ZNF398: variants seen among roughly 807,000 people sequenced by gnomAD.
ZNF398 encodes the protein zinc finger protein 398, also known as zinc finger DNA binding protein ZER6.
ZNF398 carries 18 observed loss-of-function variants against 41.9 expected under a neutral mutation model. The ratio of observed to expected loss-of-function variants is 0.43; its 90% confidence interval spans 0.30 to 0.64. The LOEUF is 0.64. Among genes scored for constraint, ZNF398 ranks in the 30% least tolerant of loss-of-function variants. The pLI is 0.14. For missense variants in ZNF398, 669 were observed against 822.8 expected (o/e 0.81, Z 2.29); for synonymous variants, 260 against 308.8 (o/e 0.84, Z 1.66).
intron 5 of ZNF398, among the ~76,000 whole-genome samples, 172 bp from the exon 6 acceptor site, chr7:149,178,476 C>A (rs535844937): frequency 6.6e-6 from 1 of 152,222 alleles, no homozygotes; most frequent in East Asian, 1.9e-4. Flanking sequence ...AGTGTCATTT[C>A]ATTTCTCTGA....
At chr7:149,155,409 G>C (rs962291403) in intron 2 of ZNF398, among the ~76,000 whole-genome samples, 1 of 152,066 alleles carries the variant, frequency 6.6e-6, no homozygotes, top group Admixed American at 6.6e-5. Context: ...AACAGAGTGA[G>C]ACTCCGTCTC....
intron 2 of ZNF398, among the ~76,000 whole-genome samples, chr7:149,134,677 TG>T (rs1223998360): frequency 6.6e-6 from 1 of 152,180 alleles, no homozygotes; most frequent in Non-Finnish European, 1.5e-5. Context: ...ATTTATTATT[TG>T]TTTAGAGATG....
intron 1 of ZNF398, among the ~76,000 whole-genome samples, chr7:149,152,977 C>T (rs1199563283): frequency 6.6e-6 from 1 of 151,596 alleles, no homozygotes; most frequent in Non-Finnish European, 1.5e-5. Flanking sequence ...TCTCCTGTCT[C>T]AGCCTCCCGA....
At chr7:149,144,840 C>T (rs1826900631), upstream of ZNF398, among the ~76,000 whole-genome samples, 2 of 152,102 alleles carry the variant, frequency 1.3e-5, no homozygotes, top group Non-Finnish European at 1.5e-5. Context: ...CCACCCACCT[C>T]GGCCTCCCAA....
chr7:149,166,889 C>T lies in ZNF398; in HGVS notation c.620C>T (p.Ala207Val). ...GGGGAACATAATACAGAGGACCAGG[C>T]AGGGCCAGAGGAAAGTGAGATTCCC... The part of the protein sequence containing the change: ...PEGEHNTEDQ[A>V]GPEESEIPTD... Residue 207 changes from alanine (A) to valine (V), a missense_variant, in exon 4 of 6, where the codon GCA (alanine) becomes GTA (valine). Transcript: ENST00000475153. 6.2e-7 allele frequency: 1 copy of T among 1,612,994 alleles called. No homozygotes were observed. The highest frequency in any genetic ancestry group is 8.5e-7 in the Non-Finnish European group (1 of 1,179,244).
intron 4 of ZNF398, 27 bp downstream of exon 4, chr7:149,166,957 C>T: frequency 1.3e-6 from 2 of 1,507,184 alleles, no homozygotes; most frequent in Non-Finnish European, 1.8e-6. Context: ...ATTCCTACTT[C>T]TTGTCTCCCT....
intron 2 of ZNF398, among the ~76,000 whole-genome samples, chr7:149,160,548 G>A (rs935326124): frequency 6.6e-6 from 1 of 152,200 alleles, no homozygotes; most frequent in African/African-American, 2.4e-5. Context: ...ACTAGCCAAA[G>A]TCACATCTCT....
chr7:149,136,628 C>G (rs1826719335), intron 2 of ZNF398, among the ~76,000 whole-genome samples: 1 of 152,122 alleles, frequency 6.6e-6, no homozygotes, highest in African/African-American at 2.4e-5. Context: ...AGTGCAGTGG[C>G]ATGATCTAGG....
exon 2 of ZNF398, chr7:149,128,824 C>T (rs984147889): frequency 3.3e-5 from 4 of 121,694 alleles, no homozygotes; most frequent in South Asian, 3.1e-4. Flanking sequence ...TTTTTCCAGA[C>T]GTAGTCTTGC....
intron 2 of ZNF398, among the ~76,000 whole-genome samples, chr7:149,135,996 A>G (rs903086120): frequency 1.3e-5 from 2 of 152,136 alleles, no homozygotes; most frequent in Non-Finnish European, 2.9e-5. Flanking sequence ...TTTAATTTTG[A>G]TTAAGTCCAA....
rs1795611130 is a variant in ZNF398 at position 149,182,346 on chromosome 7, T to C, written c.*2545T>C. 1 of 152,218 alleles carries C rather than the reference T, an allele frequency of 6.6e-6. No homozygotes were observed. The highest frequency in any genetic ancestry group is 2.1e-4 in the South Asian group (1 of 4,818). 9.4% of individuals were successfully genotyped at this position (152,218 alleles called of 1,614,324 possible). A position where few individuals can be genotyped will look rare whatever the true frequency, so the allele number is the denominator to read the frequency against. Reference sequence around the variant, plus strand: ...TAAAAGAGAGTTCAACTGTTACTCTTTTCTTTCATCAATCCCCTATCAGTT... The same window carrying C: ...TAAAAGAGAGTTCAACTGTTACTCTCTTCTTTCATCAATCCCCTATCAGTT... On this transcript the variant is annotated 3_prime_UTR_variant, in exon 6 of 6. Transcript: ENST00000475153.
intron 2 of ZNF398, among the ~76,000 whole-genome samples, chr7:149,134,101 G>C (rs940867824): frequency 3.8e-4 from 47 of 122,950 alleles, no homozygotes; most frequent in African/African-American, 1.5e-3. Context: ...TTTCGCTCTT[G>C]TTGCCCAGGG....
At position 149,178,983 on chromosome 7, in the gene ZNF398, C is replaced by A; in HGVS notation, c.1111C>A (p.Pro371Thr). The change falls in exon 6 of 6, where the codon CCC becomes ACC. Residue 371 changes from proline (P) to threonine (T), a missense_variant. Physicochemically the swap from Pro to Thr is conservative, Grantham distance 38. Around this residue, in one of 3 missense-constraint regions of ZNF398, gnomAD observed 290 missense variants for 292.9 expected, o/e 0.99. Coordinates refer to ENST00000475153, the MANE Select transcript of ZNF398 (RefSeq NM_170686.3). ...TAGCCATGCTACTGAGCACCCCTTA[C>A]CCTGTGCCCAGTGCCCTAAGCACTT... is the stretch of plus-strand genomic sequence containing the variant. ...QCSHATEHPL[P>T]CAQCPKHFTP... 1 of 1,614,180 alleles carries A rather than the reference C, an allele frequency of 6.2e-7. No homozygotes were observed. Among genetic ancestry groups the A allele is most frequent in the East Asian group, 2.2e-5 (1 of 44,884 alleles).
chr7:149,178,596 T>G (rs372719104), intron 5 of ZNF398, 52 bp from the exon 6 acceptor site: 1 of 1,479,382 alleles, frequency 6.8e-7, no homozygotes, highest in Non-Finnish European at 9.2e-7. Context: ...TGCATGAGAG[T>G]TGCTAGTGAG....
chr7:149,161,020 C>T (rs887044306), intron 2 of ZNF398, among the ~76,000 whole-genome samples: 1 of 152,078 alleles, frequency 6.6e-6, no homozygotes, highest in Admixed American at 6.6e-5. Flanking sequence ...CCAACGCTGC[C>T]CTCTTGACCC....
intron 1 of ZNF398, chr7:149,148,512 A>G: frequency 1.0e-6 from 1 of 984,996 alleles, no homozygotes; most frequent in Non-Finnish European, 1.2e-6. Context: ...GAGCAATTGT[A>G]CTGGGTCAGG....
chr7:149,172,831 A>G (rs561453502), intron 4 of ZNF398, among the ~76,000 whole-genome samples: 1 of 152,240 alleles, frequency 6.6e-6, no homozygotes, highest in Non-Finnish European at 1.5e-5. Flanking sequence ...TCACAGTACA[A>G]GTAACAATAA....
Position 149,172,441 on chromosome 7 carries a change from C to G in ZNF398, c.662-4027C>G, listed in dbSNP as rs530197893. 2.3e-3 allele frequency among the ~76,000 whole-genome samples: 357 copies of G among 151,932 alleles called. 1 individual carries two copies. Among genetic ancestry groups the G allele is most frequent in the African/African-American group, 8.2e-3 (341 of 41,446 alleles). On this transcript the variant is annotated intron_variant, in intron 4 of 5. Transcript: ENST00000475153. ...AGTATTGCAGTGCTTATGTTAAGTA[C>G]CCCGCGCTCCCCCCCTTTTTAAAAA...
intron 2 of ZNF398, among the ~76,000 whole-genome samples, chr7:149,138,152 G>T (rs898997094): frequency 6.8e-6 from 1 of 147,364 alleles, no homozygotes; most frequent in Non-Finnish European, 1.5e-5. Flanking sequence ...GATGAGCTGA[G>T]ATCAGGCCAT....
Sources: allele counts gnomAD v4.1 joint callset (sites outside exome capture counted in the v4.1 genomes callset), GRCh38; gene constraint gnomAD v4.1.1; regional missense constraint gnomAD v4.1.1; transcripts MANE v1.5; gene names NCBI Gene and HGNC (gene_info 2026-07-23, HGNC 2026-07-21).